The following BRD3 variants were observed in gnomAD, a reference collection of about 807,000 sequenced individuals.
BRD3 encodes bromodomain-containing protein 3.
A neutral mutation model predicts 66.8 loss-of-function variants in BRD3; 17 were observed. The observed-to-expected ratio is 0.25, with a 90% CI of 0.17 to 0.38. The LOEUF is 0.38. Ranked by LOEUF, BRD3 falls within the 10% of genes least tolerant of loss-of-function variation. BRD3 has a pLI of 1.00. For missense variants in BRD3, 713 were observed against 956.1 expected, an observed-to-expected ratio of 0.75 and a Z score of 3.35; for synonymous variants, 421 against 393.2, an observed-to-expected ratio of 1.07 and a Z score of -0.84.
At chr9:134,051,890 T>G (rs1419115857) in intron 3 of BRD3, among the ~76,000 whole-genome samples, 181 bp from the exon 4 acceptor site, 1 of 89,878 alleles carries the variant, frequency 1.1e-5, no homozygotes, top group South Asian at 3.2e-4. Context: ...GTTTTTTTTG[T>G]TTTTTTTTTT....
intron 1 of BRD3, among the ~76,000 whole-genome samples, chr9:134,054,954 C>T (rs780697979): frequency 2.6e-5 from 4 of 152,216 alleles, no homozygotes; most frequent in Non-Finnish European, 2.9e-5. Context: ...CACGAGAGAA[C>T]GTGCCCCGTC....
chr9:134,051,875 G>GTGTA lies in BRD3; in HGVS notation c.352-167_352-166insTACA, dbSNP rs1554829362. On this transcript the variant is annotated intron_variant, in intron 3 of 11. Transcript: ENST00000303407. ...TGTGTGTGTGTGTGTGTGTGTGTGT[G>GTGTA]TGTTGTTTTTTTTGTTTTTTTTTTT... is the stretch of plus-strand genomic sequence containing the variant. Among the ~76,000 whole-genome samples, 237 of 101,004 alleles carry GTGTA rather than the reference G, an allele frequency of 2.3e-3. 11 individuals carry two copies. Among genetic ancestry groups the GTGTA allele is most frequent in the African/African-American group, 8.6e-3 (212 of 24,624 alleles). The allele number at this position is 101,004 out of a possible 152,430, so 66.3% of individuals were successfully genotyped here.
In BRD3 at chr9:134,050,563, G is replaced by T. The variant is rs749422524; in HGVS notation, c.525C>A (p.Ser175=). ...GAAAGGGGGTCGCTGGGGAGACAGA[G>T]GACACGGCCGCCACTTGCTGTGTAC... ...SAGTQQVAAV[S]SVSPATPFQS... The change falls in exon 5 of 12, where the codon TCC becomes TCA. Residue 175 remains serine, a synonymous_variant. Coordinates refer to ENST00000303407, the MANE Select transcript of BRD3 (RefSeq NM_007371.4). 4.4e-6 allele frequency: 7 copies of T among 1,606,452 alleles called. No individual in the cohort carries two copies. In the Admixed American group the frequency reaches 8.4e-5, roughly 19 times the overall value.
chr9:134,039,856 C>A (rs1291256915), intron 9 of BRD3, among the ~76,000 whole-genome samples, 178 bp downstream of exon 9: 1 of 151,926 alleles, frequency 6.6e-6, no homozygotes, highest in Non-Finnish European at 1.5e-5. Context: ...AGCAGCATCA[C>A]CTGGGCCCCC....
At position 134,033,390 on chromosome 9, in the gene BRD3, T is replaced by G; in HGVS notation, c.*200A>C. On this transcript the variant is annotated 3_prime_UTR_variant, in exon 12 of 12. Transcript: ENST00000303407. This position sits in a 1 kb window ranked among gnomAD's most constrained non-coding sequence, Gnocchi z 5.1. ...ATGAAGAAGAGACTTTCTGCAGAGT[T>G]CACACCTTCTCATCAAGTCTAACGC... is the stretch of plus-strand genomic sequence containing the variant. 1 of 521,348 alleles carries G rather than the reference T, an allele frequency of 1.9e-6. No individual in the cohort carries two copies. Among genetic ancestry groups the G allele is most frequent in the East Asian group, 3.1e-5 (1 of 31,782 alleles). The allele number at this position is 521,348 out of a possible 1,614,324, so 32.3% of individuals were successfully genotyped here. A position where few individuals can be genotyped will look rare whatever the true frequency, so the allele number is the denominator to read the frequency against.
At chr9:134,066,797 G>A (rs1830668209) in intron 1 of BRD3, among the ~76,000 whole-genome samples, 1 of 152,202 alleles carries the variant, frequency 6.6e-6, no homozygotes, top group African/African-American at 2.4e-5. Context: ...TAATGTAAGG[G>A]GGAGAAATCC....
chr9:134,049,379 C>T (rs1323472532), intron 5 of BRD3, among the ~76,000 whole-genome samples: 3 of 152,338 alleles, frequency 2.0e-5, no homozygotes, highest in Admixed American at 6.5e-5. Flanking sequence ...TCCCAGCCCA[C>T]GGCACCTGCC....
Position 134,045,115 on chromosome 9 carries a change from A to C in BRD3, c.1215+178T>G, listed in dbSNP as rs754867206. Among the ~76,000 whole-genome samples, 9 of 152,172 alleles carry C rather than the reference A, an allele frequency of 5.9e-5. No homozygotes were observed. Among genetic ancestry groups the C allele is most frequent in the South Asian group, 2.1e-4 (1 of 4,822 alleles). On this transcript the variant is annotated intron_variant, in intron 7 of 11. Coordinates refer to ENST00000303407, the MANE Select transcript of BRD3 (RefSeq NM_007371.4). This position sits in a 1 kb window ranked among gnomAD's most constrained non-coding sequence, Gnocchi z 4.8. ...GCCCTGCCCCAGTGGCAGCTCCTGG[A>C]ACCCAGCTCAGAGCCTGACAGGGAC...
rs745469027 is a variant in BRD3 at position 134,034,713 on chromosome 9, G to T, written c.2053C>A (p.Pro685Thr). 6.2e-7 allele frequency: 1 copy of T among 1,605,434 alleles called. No homozygotes were observed. The part of the protein sequence containing the change: ...VSGQLSSSKK[P>T]ARKEKPGSAP... ...CCGCCAGCGGTACCTTTCCGGGCGG[G>T]CTTCTTGCTGCTGCTCAGCTGCCCG... is the stretch of plus-strand genomic sequence containing the variant. Residue 685 changes from proline (P) to threonine (T), a missense_variant, in exon 11 of 12, where the codon CCC becomes ACC. Around this residue, in one of 5 missense-constraint regions of BRD3, gnomAD observed 418 missense variants for 609.3 expected, o/e 0.69. Coordinates refer to ENST00000303407, the MANE Select transcript of BRD3 (RefSeq NM_007371.4).
At position 134,067,236 on chromosome 9, in the gene BRD3, G is replaced by C. The variant is rs1830679687; in HGVS notation, c.-114+709C>G. ...TCAGGCTGATTTCAAAACGGGAACT[G>C]GGTCTCCCCCTGGTTTGGGTGCAAT... On this transcript the variant is annotated intron_variant, in intron 1 of 11. Transcript: ENST00000303407. Among the ~76,000 whole-genome samples the C allele has an allele frequency of 2.0e-5, 3 of 152,148 alleles. No homozygotes were observed. The South Asian group carries it at 6.2e-4, about 31-fold the overall frequency.
In BRD3 at chr9:134,045,520, G is replaced by T; in HGVS notation, c.1087-99C>A. 1 of 1,549,740 alleles carries T rather than the reference G, an allele frequency of 6.5e-7. No individual in the cohort carries two copies. On this transcript the variant is annotated intron_variant, in intron 6 of 11. Coordinates refer to ENST00000303407, the MANE Select transcript of BRD3 (RefSeq NM_007371.4). The surrounding 1 kb of genome is among the most constrained non-coding windows in gnomAD (Gnocchi z 4.8). ...GAACTCTGGAGCCTCAGGAGCCACTGCCAGCTCCAGGGCAGTGCCTACTGG... is the reference window on the plus strand; with the variant it reads ...GAACTCTGGAGCCTCAGGAGCCACTTCCAGCTCCAGGGCAGTGCCTACTGG...
chr9:134,040,301 G>A (rs1403471149), intron 8 of BRD3, 32 bp from the exon 9 acceptor site: 1 of 1,574,902 alleles, frequency 6.3e-7, no homozygotes, highest in East Asian at 2.3e-5. Context: ...AGCAGGTGCT[G>A]GGCACGGCCC....
chr9:134,035,958 T>C, intron 10 of BRD3, 74 bp downstream of exon 10: 1 of 1,531,064 alleles, frequency 6.5e-7, no homozygotes, highest in Non-Finnish European at 8.8e-7. Context: ...ACAGGGTCCG[T>C]GAGGAGTGAC....
rs939420584 is a variant in BRD3 at position 134,048,079 on chromosome 9, G to A, written c.1086+4C>T. 24 of 1,558,136 alleles carry A rather than the reference G, an allele frequency of 1.5e-5. No individual in the cohort carries two copies. Among genetic ancestry groups the A allele is most frequent in the East Asian group, 4.5e-5 (2 of 44,206 alleles). ...AGAGCAGGGCCTGCCGCGCGGCCAC[G>A]TACTTTCACGGTGCTGAGGTCCATC... On this transcript the variant is annotated splice_donor_region_variant and intron_variant, in intron 6 of 11. Transcript: ENST00000303407.
intron 11 of BRD3, chr9:134,034,407 C>T (rs533608229): frequency 6.3e-4 from 226 of 360,362 alleles, no homozygotes; most frequent in African/African-American, 4.3e-3. Flanking sequence ...GGCTGGGCTG[C>T]CCAGTCCAGC....
At chr9:134,035,142 A>G (rs1382003660) in intron 10 of BRD3, among the ~76,000 whole-genome samples, 3 of 152,176 alleles carry the variant, frequency 2.0e-5, no homozygotes, top group African/African-American at 4.8e-5. Flanking sequence ...GGTTTGGCCA[A>G]CGTCCCTCAT....
intron 6 of BRD3, among the ~76,000 whole-genome samples, chr9:134,047,433 C>G (rs1830196250): frequency 6.6e-6 from 1 of 152,220 alleles, no homozygotes; most frequent in Admixed American, 6.5e-5. Context: ...GGAGCTCACC[C>G]TGGCTTGGGG....
At chr9:134,046,528 T>C (rs984930084) in intron 6 of BRD3, among the ~76,000 whole-genome samples, 5 of 152,126 alleles carry the variant, frequency 3.3e-5, no homozygotes, top group Non-Finnish European at 5.9e-5. Flanking sequence ...ATGAGACCCA[T>C]CCAGAAGGAA....
At chr9:134,044,480 A>T (rs895575871) in intron 7 of BRD3, among the ~76,000 whole-genome samples, 1 of 152,210 alleles carries the variant, frequency 6.6e-6, no homozygotes, top group African/African-American at 2.4e-5. Flanking sequence ...AGCATGCTGG[A>T]AGAGAACACA....
Sources: gnomAD v4.1 joint callset for allele counts (sites outside exome capture counted in the v4.1 genomes callset) on GRCh38, gnomAD v4.1.1 for gene constraint, gnomAD v4.1.1 regional missense constraint, Gnocchi (gnomAD v3.1) non-coding constraint, MANE v1.5 for transcripts, NCBI Gene and HGNC (gene_info 2026-07-23, HGNC 2026-07-21) for gene names.